The following WDR37 variants were observed in gnomAD, a reference collection of about 807,000 sequenced individuals.
WDR37 encodes WD repeat domain 37.
WDR37 carries 19 observed loss-of-function variants against 62.9 expected under a neutral mutation model. The ratio of observed to expected loss-of-function variants is 0.30; its 90% CI spans 0.21 to 0.44. The LOEUF (loss-of-function observed/expected upper bound fraction) is 0.44, where lower values mean the gene tolerates loss of function less well. Ranked by LOEUF, WDR37 falls within the 20% of genes least tolerant of loss-of-function variation. The probability of loss-of-function intolerance (pLI) is 1.00; values close to 1 mark genes in which losing one functional copy is unlikely to be tolerated. For synonymous variants in WDR37, 250 were observed against 260.9 expected, an observed-to-expected ratio of 0.96 and a Z score of 0.40; for missense variants, 474 against 657.6, an observed-to-expected ratio of 0.72 and a Z score of 3.05.
intron 11 of WDR37, among the ~76,000 whole-genome samples, chr10:1,114,932 T>A (rs1323272027): frequency 1.3e-5 from 2 of 152,188 alleles, no homozygotes; most frequent in African/African-American, 4.8e-5. Context: ...TTTGCTGTCA[T>A]GACATTTGCC....
At chr10:1,111,589 G>A (rs1191562401) in intron 11 of WDR37, among the ~76,000 whole-genome samples, 2 of 152,144 alleles carry the variant, frequency 1.3e-5, no homozygotes, top group East Asian at 1.9e-4. Flanking sequence ...TTGATCCTAC[G>A]TGTTTAGAAG....
intron 3 of WDR37, among the ~76,000 whole-genome samples, chr10:1,078,488 C>G (rs559379486): frequency 6.6e-6 from 1 of 152,124 alleles, no homozygotes; most frequent in Non-Finnish European, 1.5e-5. Flanking sequence ...TCAAGCCCAT[C>G]GCACTCTTCA....
rs1833806709 is a variant in WDR37 at position 1,074,417 on chromosome 10, A to G, written c.138+2124A>G. 4 of 1,303,558 alleles carry G rather than the reference A, an allele frequency of 3.1e-6. No individual in the cohort carries two copies. The African/African-American group carries it at 6.1e-5, about 20-fold the overall frequency. 80.7% of individuals were successfully genotyped at this position (1,303,558 alleles called of 1,614,324 possible). A position where few individuals can be genotyped will look rare whatever the true frequency, so the allele number is the denominator to read the frequency against. On this transcript the variant is annotated intron_variant, in intron 2 of 13. Coordinates refer to ENST00000263150, the MANE Select transcript of WDR37 (RefSeq NM_014023.4). ...GCCGCACGGCCTCGTCCTCTGCTCC[A>G]CCTTTGGCCTGTGTCTCCCACGCTC...
intron 1 of WDR37, among the ~76,000 whole-genome samples, chr10:1,062,924 A>G (rs1048468236): frequency 3.9e-5 from 6 of 152,278 alleles, no homozygotes; most frequent in African/African-American, 7.2e-5. Flanking sequence ...TGTCTCCGCT[A>G]AAAATACAAT....
At position 1,121,896 on chromosome 10, in the gene WDR37, C is replaced by T. The variant is rs144338117; in HGVS notation, c.1104-2322C>T. 1.2e-3 allele frequency among the ~76,000 whole-genome samples: 179 copies of T among 152,016 alleles called. 3 individuals are homozygous for T. Among genetic ancestry groups the T allele is most frequent in the South Asian group, 4.0e-3 (19 of 4,768 alleles). Reference sequence around the variant, plus strand: ...GTGTTCCGGGGTCTCGGTGTCAGAGCGTGTTGCCAGGTGTTGTTGACGCAC... The same window carrying T: ...GTGTTCCGGGGTCTCGGTGTCAGAGTGTGTTGCCAGGTGTTGTTGACGCAC... On this transcript the variant is annotated intron_variant, in intron 11 of 13. Coordinates refer to ENST00000263150, the MANE Select transcript of WDR37 (RefSeq NM_014023.4). This position sits in a 1 kb window ranked among gnomAD's most constrained non-coding sequence, Gnocchi z 4.5.
In WDR37 at chr10:1,067,658, A is replaced by G. The variant is rs1833595070; in HGVS notation, c.-40-4458A>G. ...ATGTGGATGACAAGCACATGAAAAG[A>G]TAGTGTCACTAGCCATCAGGGAAAT... On this transcript the variant is annotated intron_variant, in intron 1 of 13. Coordinates refer to ENST00000263150, the MANE Select transcript of WDR37 (RefSeq NM_014023.4). Among the ~76,000 whole-genome samples the G allele has an allele frequency of 2.0e-5, 3 of 152,348 alleles. No homozygotes were observed. In the South Asian group the frequency reaches 6.2e-4, roughly 32 times the overall value.
chr10:1,064,526 A>ACTTGTATCTCTTACAAG (rs1833476952), intron 1 of WDR37, among the ~76,000 whole-genome samples: 1 of 150,220 alleles, frequency 6.7e-6, no homozygotes, highest in Non-Finnish European at 1.5e-5. Flanking sequence ...AGACAGAAGC[A>ACTTGTATCTCTTACAAG]TAGTAAGAGA....
rs536596462 is a variant in WDR37 at position 1,059,813 on chromosome 10, A to T, written c.-41+2845A>T. ...CTCTGTCTCAAAAAATATATATATAAAAGAATCTTTTGAGAAAGAGCAGAA... is the reference window on the plus strand; with the variant it reads ...CTCTGTCTCAAAAAATATATATATATAAGAATCTTTTGAGAAAGAGCAGAA... On this transcript the variant is annotated intron_variant, in intron 1 of 13. Transcript: ENST00000263150. 4.6e-5 allele frequency among the ~76,000 whole-genome samples: 7 copies of T among 152,242 alleles called. No individual in the cohort carries two copies. The East Asian group carries it at 1.4e-3, about 29-fold the overall frequency.
chr10:1,057,666 T>G (rs1833235371), intron 1 of WDR37, among the ~76,000 whole-genome samples: 1 of 152,240 alleles, frequency 6.6e-6, no homozygotes, highest in African/African-American at 2.4e-5. Context: ...ATGTACTCAT[T>G]TACTAAACCA....
At chr10:1,110,885 C>T (rs562662723) in intron 11 of WDR37, among the ~76,000 whole-genome samples, 9 of 152,232 alleles carry the variant, frequency 5.9e-5, no homozygotes, top group Non-Finnish European at 1.0e-4. Flanking sequence ...GGCCCAGGGC[C>T]GGGCCTGAGG....
intron 11 of WDR37, 112 bp from the exon 12 acceptor site, chr10:1,124,106 A>C: frequency 6.9e-7 from 1 of 1,439,582 alleles, no homozygotes; most frequent in Non-Finnish European, 9.5e-7. Context: ...GAGAGCTGTG[A>C]GTTTGCGCTT....
intron 2 of WDR37, among the ~76,000 whole-genome samples, chr10:1,077,053 G>A (rs191000971): frequency 3.9e-5 from 6 of 152,054 alleles, no homozygotes; most frequent in Non-Finnish European, 5.9e-5. Flanking sequence ...AATATTTGAT[G>A]GGGATTTTTT....
At chr10:1,127,080 G>C (rs1298673220) in intron 13 of WDR37, among the ~76,000 whole-genome samples, 1 of 152,180 alleles carries the variant, frequency 6.6e-6, no homozygotes, top group Non-Finnish European at 1.5e-5. Flanking sequence ...TTTTCAATGT[G>C]CCCATGCGGA....
chr10:1,102,040 G>A (rs1834826657), intron 9 of WDR37, among the ~76,000 whole-genome samples: 2 of 151,054 alleles, frequency 1.3e-5, no homozygotes, highest in African/African-American at 4.9e-5. Context: ...TCCCTGTGAC[G>A]TGCGTTCCCT....
intron 9 of WDR37, among the ~76,000 whole-genome samples, chr10:1,100,789 C>T (rs867586316): frequency 8.5e-5 from 13 of 152,188 alleles, no homozygotes; most frequent in African/African-American, 2.2e-4. Flanking sequence ...CCTCCAGAGC[C>T]GTTTTCCCAG....
At position 1,077,954 on chromosome 10, in the gene WDR37, T is replaced by G. The variant is rs1317518429; in HGVS notation, c.186T>G (p.Phe62Leu). 5 of 1,612,066 alleles carry G rather than the reference T, an allele frequency of 3.1e-6. No homozygotes were observed. Among genetic ancestry groups the G allele is most frequent in the Non-Finnish European group, 4.2e-6 (5 of 1,179,032 alleles). ...TTCGCAGTACACTTCTGGAACTGTTTGGTCAAATAGAAAGAGAATTTGAAA... is the reference window on the plus strand; with the variant it reads ...TTCGCAGTACACTTCTGGAACTGTTGGGTCAAATAGAAAGAGAATTTGAAA... ...SSVRSTLLELFGQIEREFENL... is the reference protein window; with the variant it reads ...SSVRSTLLELLGQIEREFENL... The change falls in exon 3 of 14, where the codon TTT (phenylalanine) becomes TTG (leucine). Residue 62 changes from phenylalanine (F) to leucine (L), a missense_variant. Coordinates refer to ENST00000263150, the MANE Select transcript of WDR37 (RefSeq NM_014023.4).
intron 7 of WDR37, among the ~76,000 whole-genome samples, chr10:1,086,963 C>T (rs1834222160): frequency 6.6e-6 from 1 of 152,234 alleles, no homozygotes; most frequent in African/African-American, 2.4e-5. Context: ...CTCACTCGCC[C>T]TCCCTCACAC....
At chr10:1,070,207 C>CAA (rs35167375) in intron 1 of WDR37, among the ~76,000 whole-genome samples, 1,498 of 93,844 alleles carry the variant, frequency 0.016, 16 homozygotes, top group African/African-American at 0.04. Flanking sequence ...GACTCTGTCT[C>CAA]AAAAAAAAAA....
intron 9 of WDR37, among the ~76,000 whole-genome samples, chr10:1,096,779 A>C (rs1466651207): frequency 6.6e-6 from 1 of 152,196 alleles, no homozygotes; most frequent in Non-Finnish European, 1.5e-5. Flanking sequence ...AGACGTTTTC[A>C]GGGACCTGCT....
Sources: allele counts gnomAD v4.1 joint callset (sites outside exome capture counted in the v4.1 genomes callset), GRCh38; gene constraint gnomAD v4.1.1; non-coding constraint Gnocchi (gnomAD v3.1); transcripts MANE v1.5; gene names NCBI Gene and HGNC (gene_info 2026-07-23, HGNC 2026-07-21).